The following TEX29 variants were observed in gnomAD, a reference collection of about 807,000 sequenced individuals.
TEX29 encodes the protein testis expressed 29, also known as testis-expressed protein 29.
TEX29 carries 26 observed loss-of-function variants against 18.2 expected under a neutral mutation model. That is an observed-to-expected ratio of 1.43 (90% confidence interval 1.04 to 1.98). The LOEUF (loss-of-function observed/expected upper bound fraction) is 1.98. Among genes scored for constraint, TEX29 ranks in the 30% most tolerant of loss-of-function variants. The pLI, the probability that TEX29 is intolerant of heterozygous loss-of-function variation, is 0.00. For synonymous variants in TEX29, 83 were observed against 78.5 expected (o/e 1.06, Z -0.31); for missense variants, 177 against 194.2 (o/e 0.91, Z 0.53).
At chr13:111,336,601 T>C (rs1236822811) in intron 3 of TEX29, among the ~76,000 whole-genome samples, 1 of 152,256 alleles carries the variant, frequency 6.6e-6, no homozygotes, top group East Asian at 1.9e-4. Context: ...ATTTAACATG[T>C]CATTTCTTCC....
chr13:111,322,226 A>G (rs926773686), intron 2 of TEX29, among the ~76,000 whole-genome samples: 1 of 152,210 alleles, frequency 6.6e-6, no homozygotes, highest in African/African-American at 2.4e-5. Context: ...GGGTGTCCAC[A>G]AGAGGGGTCT....
upstream of TEX29, among the ~76,000 whole-genome samples, chr13:111,320,132 C>T (rs920670151): frequency 6.6e-6 from 1 of 152,338 alleles, no homozygotes; most frequent in South Asian, 2.1e-4. Context: ...ACCTTCCTCC[C>T]TGGAGGCCGC....
intron 2 of TEX29, 44 bp downstream of exon 2, chr13:111,320,992 A>AGGG: frequency 4.3e-6 from 1 of 235,152 alleles, no homozygotes; most frequent in Non-Finnish European, 7.6e-6. Flanking sequence ...GTGGGGGAGC[A>AGGG]GTTGGGGGGG....
chr13:111,328,522 C>T (rs1004924958), intron 3 of TEX29, among the ~76,000 whole-genome samples: 1 of 152,116 alleles, frequency 6.6e-6, no homozygotes, highest in African/African-American at 2.4e-5. Context: ...GGGTTCCATT[C>T]CCAGATGGGC....
At chr13:111,318,736 G>T (rs1426282839), upstream of TEX29, among the ~76,000 whole-genome samples, 1 of 152,178 alleles carries the variant, frequency 6.6e-6, no homozygotes, top group African/African-American at 2.4e-5. Flanking sequence ...TCTCTGCCTG[G>T]GAGCCTGCAC....
At chr13:111,322,617 G>C (rs556000695) in intron 2 of TEX29, among the ~76,000 whole-genome samples, 1 of 152,292 alleles carries the variant, frequency 6.6e-6, no homozygotes, top group African/African-American at 2.4e-5. Flanking sequence ...CTGACCCTGG[G>C]CTGGAGTCAT....
chr13:111,319,867 C>T (rs969555456), upstream of TEX29, among the ~76,000 whole-genome samples: 27 of 152,308 alleles, frequency 1.8e-4, no homozygotes, highest in Admixed American at 7.2e-4. Context: ...ATGAGTATCC[C>T]GTCCTTCCTG....
intron 3 of TEX29, chr13:111,339,204 A>G (rs2093693672): frequency 2.2e-6 from 1 of 452,878 alleles, no homozygotes; most frequent in Admixed American, 2.4e-5. Context: ...AAGGCACGGG[A>G]AACTTGGGGA....
At chr13:111,343,940 T>C (rs2093700717) in intron 5 of TEX29, 143 bp from the exon 6 acceptor site, 2 of 700,236 alleles carry the variant, frequency 2.9e-6, no homozygotes, top group Non-Finnish European at 5.2e-6. Flanking sequence ...CATAGGAGGA[T>C]ACGGCCATCC....
intron 3 of TEX29, among the ~76,000 whole-genome samples, chr13:111,328,645 G>A (rs1305867801): frequency 6.6e-6 from 1 of 152,222 alleles, no homozygotes; most frequent in Non-Finnish European, 1.5e-5. Context: ...AACATGGGGC[G>A]CCGGCAGGGC....
chr13:111,333,608 T>C (rs1015709313), intron 3 of TEX29, among the ~76,000 whole-genome samples: 1 of 152,238 alleles, frequency 6.6e-6, no homozygotes, highest in African/African-American at 2.4e-5. Context: ...GATGAATGTA[T>C]TAGTCATTTT....
intron 2 of TEX29, among the ~76,000 whole-genome samples, chr13:111,322,935 C>CCCT (rs1370467368): frequency 1.3e-5 from 2 of 152,118 alleles, no homozygotes; most frequent in Non-Finnish European, 2.9e-5. Context: ...CAGTGGCTGG[C>CCCT]CCTGGCCCTG....
intron 5 of TEX29, among the ~76,000 whole-genome samples, chr13:111,343,602 G>T (rs942041605): frequency 1.3e-5 from 2 of 152,216 alleles, no homozygotes; most frequent in African/African-American, 4.8e-5. Context: ...TCCTAGATCA[G>T]CACCTTGCCA....
At chr13:111,321,783 C>T (rs1010477977) in intron 2 of TEX29, among the ~76,000 whole-genome samples, 1 of 152,054 alleles carries the variant, frequency 6.6e-6, no homozygotes, top group South Asian at 2.1e-4. Context: ...ATTAGCCGAG[C>T]GTGGTGGCGG....
upstream of TEX29, among the ~76,000 whole-genome samples, chr13:111,317,801 G>A (rs975419921): frequency 1.3e-5 from 2 of 152,154 alleles, no homozygotes; most frequent in Non-Finnish European, 1.5e-5. Flanking sequence ...GCAGTCCTCC[G>A]TGTTCCGGGG....
At chr13:111,326,558 G>A (rs544072065) in intron 2 of TEX29, among the ~76,000 whole-genome samples, 10 of 128,452 alleles carry the variant, frequency 7.8e-5, no homozygotes, top group East Asian at 2.5e-4. Context: ...CGGGCAACGC[G>A]AGCCTGGTGC....
intron 3 of TEX29, among the ~76,000 whole-genome samples, chr13:111,338,932 G>C (rs926552860): frequency 1.3e-5 from 2 of 152,242 alleles, no homozygotes; most frequent in Non-Finnish European, 2.9e-5. Flanking sequence ...CTGAACCAAT[G>C]AGCCGACGGA....
chr13:111,320,889 C>G lies in TEX29; in HGVS notation c.-2C>G. On this transcript the variant is annotated 5_prime_UTR_variant, in exon 2 of 6. Coordinates refer to ENST00000283547, the MANE Select transcript of TEX29 (RefSeq NM_152324.3). ...CGGCCCCTTCATCTGTCAGCTGCAG[C>G]AATGGAATACGTGCTGGAAGTGAAG... The G allele has an allele frequency of 6.2e-7, 1 of 1,601,824 alleles. No individual in the cohort carries two copies. The highest frequency in any genetic ancestry group is 8.5e-7 in the Non-Finnish European group (1 of 1,174,154).
At chr13:111,333,282 C>T (rs541334089) in intron 3 of TEX29, among the ~76,000 whole-genome samples, 1 of 152,290 alleles carries the variant, frequency 6.6e-6, no homozygotes, top group South Asian at 2.1e-4. Flanking sequence ...GAAGTTTTTA[C>T]CATTATTTCT....
Sources: gnomAD v4.1 joint callset for allele counts (sites outside exome capture counted in the v4.1 genomes callset) on GRCh38, gnomAD v4.1.1 for gene constraint, MANE v1.5 for transcripts, NCBI Gene and HGNC (gene_info 2026-07-23, HGNC 2026-07-21) for gene names.